KLHDC7B: variants seen among roughly 807,000 people sequenced by gnomAD.
The protein encoded by KLHDC7B is kelch domain-containing protein 7B.
KLHDC7B carries 1 observed loss-of-function variant against 0.6 expected under a neutral mutation model. The observed-to-expected ratio is 1.71, with a 90% confidence interval of 0.61 to 8.11. The LOEUF (loss-of-function observed/expected upper bound fraction) is 8.11. Among genes scored for constraint, KLHDC7B ranks in the 30% most tolerant of loss-of-function variants. KLHDC7B has a pLI of 0.13. For synonymous variants in KLHDC7B, 462 were observed against 405.2 expected (o/e 1.14, Z -1.68); for missense variants, 993 against 894.9 (o/e 1.11, Z -1.40).
chr22:50,548,789 C>A lies in KLHDC7B; in HGVS notation c.2546C>A (p.Pro849His). The A allele has an allele frequency of 6.9e-7, 1 of 1,458,362 alleles. No individual in the cohort carries two copies. Among genetic ancestry groups the A allele is most frequent in the South Asian group, 1.4e-5 (1 of 70,866 alleles). The allele number at this position is 1,458,362 out of a possible 1,614,324, so 90.3% of individuals were successfully genotyped here. Residue 849 changes from proline to histidine, a missense_variant, in exon 1 of 1, where the codon CCC (proline) becomes CAC (histidine). Pro to His is a moderately conservative substitution (Grantham distance 77, BLOSUM62 -2). Transcript: ENST00000648057. The surrounding 1 kb of genome is among the most constrained non-coding windows in gnomAD (Gnocchi z 5.3). Reference protein sequence around the residue: ...PRKPSSRALEPATAAALRRRL... With the variant: ...PRKPSSRALEHATAAALRRRL... The stretch of plus-strand genomic sequence containing the variant: ...AAGCCCAGCTCCCGGGCCCTGGAGC[C>A]CGCCACGGCGGCAGCCCTGCGGCGG...
Position 50,547,659 on chromosome 22 carries a change from A to C in KLHDC7B, c.1416A>C (p.Leu472Phe), listed in dbSNP as rs540619641. 1.3e-3 allele frequency: 547 copies of C among 408,908 alleles called. 2 individuals carry two copies. Among genetic ancestry groups the C allele is most frequent in the Non-Finnish European group, 2.2e-3 (507 of 232,108 alleles). 25.3% of individuals were successfully genotyped at this position (408,908 alleles called of 1,614,324 possible). ...CAAGTTCAGCCTCAGCCCAAGTCTT[A>C]ACTTCAGCTCCAGCCTCAGTCCTAG... ...PAPSSASAQVLTSAPASVLAP... is the reference protein window; with the variant it reads ...PAPSSASAQVFTSAPASVLAP... Residue 472 changes from leucine to phenylalanine, a missense_variant, in exon 1 of 1, where the codon TTA becomes TTC. Transcript: ENST00000648057.
At position 50,547,142 on chromosome 22, in the gene KLHDC7B, G is replaced by C. The variant is rs1482912011; in HGVS notation, c.899G>C (p.Gly300Ala). Among the ~76,000 whole-genome samples, 1 of 151,392 alleles carries C rather than the reference G, an allele frequency of 6.6e-6. No homozygotes were observed. The highest frequency in any genetic ancestry group is 1.5e-5 in the Non-Finnish European group (1 of 67,742). ...ALPAPRALQP[G>A]SQTEGSGAKG... is the part of the protein sequence containing the mutation. ...CCCGCTCCCCGCGCCCTGCAGCCTGGGTCTCAGACGGAAGGCTCTGGGGCC... is the reference window on the plus strand; with the variant it reads ...CCCGCTCCCCGCGCCCTGCAGCCTGCGTCTCAGACGGAAGGCTCTGGGGCC... The change falls in exon 1 of 1, where the codon GGG becomes GCG. Residue 300 changes from glycine to alanine, a missense_variant. Gly to Ala is a moderately conservative substitution (Grantham distance 60, BLOSUM62 0). Transcript: ENST00000648057.
rs747124532 is a variant in KLHDC7B, at chr22:50,548,510, C to T, written c.2267C>T (p.Pro756Leu). Residue 756 changes from proline to leucine, a missense_variant, in exon 1 of 1, where the codon CCC becomes CTC. Physicochemically the swap from Pro to Leu is moderately conservative, Grantham distance 98. Transcript: ENST00000648057. This position sits in a 1 kb window ranked among gnomAD's most constrained non-coding sequence, Gnocchi z 5.3. ...AQPPAQRPPG[P>L]AASSSARRSQ... ...CCCCCCGCGCAGAGGCCGCCTGGCC[C>T]CGCGGCCTCCTCCTCTGCGAGGCGC... The T allele has an allele frequency of 4.5e-6, 7 of 1,556,146 alleles. No homozygotes were observed. The South Asian group carries it at 8.3e-5, about 18-fold the overall frequency.
At position 50,548,236 on chromosome 22, in the gene KLHDC7B, G is replaced by C. The variant is rs936521010; in HGVS notation, c.1993G>C (p.Gly665Arg). The change falls in exon 1 of 1, where the codon GGG becomes CGG. Residue 665 changes from glycine (G) to arginine (R), a missense_variant. Transcript: ENST00000648057. This position sits in a 1 kb window ranked among gnomAD's most constrained non-coding sequence, Gnocchi z 5.3. Reference sequence around the variant, plus strand: ...AGGGAGTGTCCCGAGGGCGGTTCCCGGGAGCCCCGTGGGTCCCAGCACTTC... The same window carrying C: ...AGGGAGTGTCCCGAGGGCGGTTCCCCGGAGCCCCGTGGGTCCCAGCACTTC... ...PQGSVPRAVP[G>R]SPVGPSTSTH... is the part of the protein sequence containing the mutation. 1 of 1,550,454 alleles carries C rather than the reference G, an allele frequency of 6.4e-7. No individual in the cohort carries two copies. The highest frequency in any genetic ancestry group is 8.7e-7 in the Non-Finnish European group (1 of 1,146,662).
rs530293919 is a variant in KLHDC7B, at chr22:50,547,036, G to T, written c.793G>T (p.Gly265Trp). Among the ~76,000 whole-genome samples, 1 of 151,456 alleles carries T rather than the reference G, an allele frequency of 6.6e-6. No homozygotes were observed. Among genetic ancestry groups the T allele is most frequent in the African/African-American group, 2.4e-5 (1 of 41,342 alleles). The change falls in exon 1 of 1, where the codon GGG becomes TGG. Residue 265 changes from glycine to tryptophan, a missense_variant. Coordinates refer to ENST00000648057, the MANE Select transcript of KLHDC7B (RefSeq NM_138433.5). ...GGGGAGCGTGTGGGACGCGGTGGAC[G>T]GGGCCGCCGCCCTGGACGCCCACGC... ...AAGSVWDAVDGAAALDAHARG... is the reference protein window; with the variant it reads ...AAGSVWDAVDWAAALDAHARG...
rs2069760900 is a variant in KLHDC7B, at chr22:50,548,554, C to CTACGGAAACGCAGCAGG, written c.390_406dup (p.Cys136TyrfsTer116). ...GAGGCGCTCACAGCCGGTACCCCAG[C>CTACGGAAACGCAGCAGG]TACGGAAACGCAGCAGGTGCGAAAT... On this transcript the variant is annotated frameshift_variant, in exon 1 of 1. Transcript: ENST00000395676. LOFTEE classifies it low-confidence loss of function (END_TRUNC). The surrounding 1 kb of genome is among the most constrained non-coding windows in gnomAD (Gnocchi z 5.3). 1 of 1,550,252 alleles carries CTACGGAAACGCAGCAGG rather than the reference C, an allele frequency of 6.5e-7. No individual in the cohort carries two copies. Among genetic ancestry groups the CTACGGAAACGCAGCAGG allele is most frequent in the African/African-American group, 1.4e-5 (1 of 73,266 alleles).
At position 50,547,118 on chromosome 22, in the gene KLHDC7B, C is replaced by T. The variant is rs2069738753; in HGVS notation, c.875C>T (p.Pro292Leu). Residue 292 changes from proline (P) to leucine (L), a missense_variant, in exon 1 of 1, where the codon CCC (proline) becomes CTC (leucine). Physicochemically the swap from Pro to Leu is moderately conservative, Grantham distance 98. Coordinates refer to ENST00000648057, the MANE Select transcript of KLHDC7B (RefSeq NM_138433.5). ...LAQEPALPAL[P>L]APRALQPGSQ... ...CAGGAGCCCGCACTCCCGGCGCTGC[C>T]CGCTCCCCGCGCCCTGCAGCCTGGG... is the stretch of plus-strand genomic sequence containing the variant. Among the ~76,000 whole-genome samples, 1 of 151,404 alleles carries T rather than the reference C, an allele frequency of 6.6e-6. No homozygotes were observed. Among genetic ancestry groups the T allele is most frequent in the South Asian group, 2.1e-4 (1 of 4,806 alleles).
rs748279086 is a variant in KLHDC7B at position 50,549,121 on chromosome 22, C to T, written c.2878C>T (p.Pro960Ser). 6 of 1,602,134 alleles carry T rather than the reference C, an allele frequency of 3.7e-6. No individual in the cohort carries two copies. The highest frequency in any genetic ancestry group is 5.1e-6 in the Non-Finnish European group (6 of 1,179,782). The stretch of plus-strand genomic sequence containing the variant: ...GGCGGCCCCTGTGTCCCTGCCTCTA[C>T]CTGCGCACCTGCATGTGTTCAACCC... ...PAAAPVSLPL[P>S]AHLHVFNPRE... The change falls in exon 1 of 1, where the codon CCT (proline) becomes TCT (serine). Residue 960 changes from proline to serine, a missense_variant. Pro to Ser is a moderately conservative substitution (Grantham distance 74). Coordinates refer to ENST00000648057, the MANE Select transcript of KLHDC7B (RefSeq NM_138433.5).
In KLHDC7B at chr22:50,549,435, G is replaced by A. The variant is rs1320366460; in HGVS notation, c.3192G>A (p.Pro1064=). Residue 1064 remains proline, a synonymous_variant, in exon 1 of 1, where the codon CCG becomes CCA. Coordinates refer to ENST00000648057, the MANE Select transcript of KLHDC7B (RefSeq NM_138433.5). The part of the protein sequence containing the change: ...ECLYSMECYD[P]RTDAWTPRAP... The stretch of plus-strand genomic sequence containing the variant: ...TGTACAGCATGGAGTGCTACGACCC[G>A]CGAACAGACGCCTGGACCCCACGCG... The A allele has an allele frequency of 1.9e-6, 3 of 1,612,672 alleles. No homozygotes were observed. The highest frequency in any genetic ancestry group is 2.2e-5 in the South Asian group (2 of 91,078).
Position 50,549,841 on chromosome 22 carries a change from G to T in KLHDC7B, c.3598G>T (p.Ala1200Ser), listed in dbSNP as rs1393580122. 1 of 1,584,480 alleles carries T rather than the reference G, an allele frequency of 6.3e-7. No individual in the cohort carries two copies. The highest frequency in any genetic ancestry group is 1.1e-5 in the South Asian group (1 of 88,266). The change falls in exon 1 of 1, where the codon GCC becomes TCC. Residue 1200 changes from alanine (A) to serine (S), a missense_variant. Transcript: ENST00000648057. The stretch of plus-strand genomic sequence containing the variant: ...CACCTTCACGGTCTCTGGGGGGACT[G>T]CCCAGTTCCAGGCCAAGGAGCTGCA... ...TATFTVSGGTAQFQAKELQPF... is the reference protein window; with the variant it reads ...TATFTVSGGTSQFQAKELQPF...
Position 50,549,414 on chromosome 22 carries a change from C to T in KLHDC7B, c.3171C>T (p.Tyr1057=), listed in dbSNP as rs61746062. Residue 1057 remains tyrosine, a synonymous_variant, in exon 1 of 1, where the codon TAC becomes TAT. Transcript: ENST00000648057. ...ATGCCATCGGTGGCGAATGCCTGTA[C>T]AGCATGGAGTGCTACGACCCGCGAA... ...LLYAIGGECL[Y]SMECYDPRTD... The T allele has an allele frequency of 0.092, 148,115 of 1,612,680 alleles. 7,477 individuals carry two copies. The highest frequency in any genetic ancestry group is 0.18 in the African/African-American group (13,137 of 75,006).
In KLHDC7B at chr22:50,547,005, C is replaced by A. The variant is rs1303883322; in HGVS notation, c.762C>A (p.Gly254=). Residue 254 remains glycine (G), a synonymous_variant, in exon 1 of 1, where the codon GGC becomes GGA. Coordinates refer to ENST00000648057, the MANE Select transcript of KLHDC7B (RefSeq NM_138433.5). The part of the protein sequence containing the change: ...RPRKLDPLRL[G]AAGSVWDAVD... ...GGAAACTGGACCCGCTCCGCCTGGG[C>A]GCCGCGGGGAGCGTGTGGGACGCGG... Among the ~76,000 whole-genome samples, 1 of 151,438 alleles carries A rather than the reference C, an allele frequency of 6.6e-6. No individual in the cohort carries two copies. The highest frequency in any genetic ancestry group is 1.5e-5 in the Non-Finnish European group (1 of 67,768).
In KLHDC7B at chr22:50,548,830, A is replaced by G; in HGVS notation, c.2587A>G (p.Ser863Gly). 6.5e-7 allele frequency: 1 copy of G among 1,531,456 alleles called. No homozygotes were observed. Among genetic ancestry groups the G allele is most frequent in the East Asian group, 2.5e-5 (1 of 39,632 alleles). 94.9% of individuals were successfully genotyped at this position (1,531,456 alleles called of 1,614,324 possible). A position where few individuals can be genotyped will look rare whatever the true frequency, so the allele number is the denominator to read the frequency against. ...AALRRRLDLG[S>G]CLDVLAFAQQ... ...CCTGCGGCGGCGGCTGGACCTGGGCAGTTGCCTGGACGTGCTGGCCTTTGC... is the reference window on the plus strand; with the variant it reads ...CCTGCGGCGGCGGCTGGACCTGGGCGGTTGCCTGGACGTGCTGGCCTTTGC... Residue 863 changes from serine (S) to glycine (G), a missense_variant, in exon 1 of 1, where the codon AGT becomes GGT. Coordinates refer to ENST00000648057, the MANE Select transcript of KLHDC7B (RefSeq NM_138433.5). This position sits in a 1 kb window ranked among gnomAD's most constrained non-coding sequence, Gnocchi z 5.3.
Position 50,550,939 on chromosome 22 carries a change from G to C in KLHDC7B, c.*988G>C, listed in dbSNP as rs1437061675. 3.2e-6 allele frequency: 1 copy of C among 312,456 alleles called. No homozygotes were observed. Among genetic ancestry groups the C allele is most frequent in the African/African-American group, 2.1e-5 (1 of 47,454 alleles). 19.4% of individuals were successfully genotyped at this position (312,456 alleles called of 1,614,324 possible). On this transcript the variant is annotated 3_prime_UTR_variant, in exon 1 of 1. Coordinates refer to ENST00000648057, the MANE Select transcript of KLHDC7B (RefSeq NM_138433.5). ...GTGCTCCACTCCAACCTCCAGCCTG[G>C]ATGTCCCTGTCTGGGCCCTTTTTCT...
chr22:50,548,770 A>G lies in KLHDC7B; in HGVS notation c.2527A>G (p.Ser843Gly), dbSNP rs758161665. The G allele has an allele frequency of 6.9e-7, 1 of 1,448,780 alleles. No homozygotes were observed. The highest frequency in any genetic ancestry group is 9.0e-7 in the Non-Finnish European group (1 of 1,106,748). 89.7% of individuals were successfully genotyped at this position (1,448,780 alleles called of 1,614,324 possible). ...WGVVEGPRKP[S>G]SRALEPATAA... Reference sequence around the variant, plus strand: ...GGTGGTGGAGGGGCCCCGGAAGCCCAGCTCCCGGGCCCTGGAGCCCGCCAC... The same window carrying G: ...GGTGGTGGAGGGGCCCCGGAAGCCCGGCTCCCGGGCCCTGGAGCCCGCCAC... Residue 843 changes from serine (S) to glycine (G), a missense_variant, in exon 1 of 1, where the codon AGC (serine) becomes GGC (glycine). By Grantham distance (56) the Ser-to-Gly change is moderately conservative. Transcript: ENST00000648057. The surrounding 1 kb of genome is among the most constrained non-coding windows in gnomAD (Gnocchi z 5.3).
Position 50,549,088 on chromosome 22 carries a change from C to G in KLHDC7B, c.2845C>G (p.Pro949Ala). Residue 949 changes from proline to alanine, a missense_variant, in exon 1 of 1, where the codon CCT (proline) becomes GCT (alanine). Pro to Ala is a conservative substitution (Grantham distance 27, BLOSUM62 -1). Coordinates refer to ENST00000648057, the MANE Select transcript of KLHDC7B (RefSeq NM_138433.5). ...CCCCAGGGGCCCTCGTGGCGAGGAGCCTCCTGCGGCGGCCCCTGTGTCCCT... is the reference window on the plus strand; with the variant it reads ...CCCCAGGGGCCCTCGTGGCGAGGAGGCTCCTGCGGCGGCCCCTGTGTCCCT... ...GLPRGPRGEEPPAAAPVSLPL... is the reference protein window; with the variant it reads ...GLPRGPRGEEAPAAAPVSLPL... 4 of 1,600,254 alleles carry G rather than the reference C, an allele frequency of 2.5e-6. No individual in the cohort carries two copies. The highest frequency in any genetic ancestry group is 3.4e-6 in the Non-Finnish European group (4 of 1,179,412).
At position 50,550,779 on chromosome 22, in the gene KLHDC7B, C is replaced by G. The variant is rs1048676870; in HGVS notation, c.*828C>G. The G allele has an allele frequency of 5.8e-6, 1 of 171,260 alleles. No homozygotes were observed. The highest frequency in any genetic ancestry group is 1.4e-5 in the Non-Finnish European group (1 of 70,606). 10.6% of individuals were successfully genotyped at this position (171,260 alleles called of 1,614,324 possible). On this transcript the variant is annotated 3_prime_UTR_variant, in exon 1 of 1. Coordinates refer to ENST00000648057, the MANE Select transcript of KLHDC7B (RefSeq NM_138433.5). Reference sequence around the variant, plus strand: ...ATGTGGACAGTGGACGTCTGTCACCCAAGAGAGTTGTGGGAGACAAGATCA... The same window carrying G: ...ATGTGGACAGTGGACGTCTGTCACCGAAGAGAGTTGTGGGAGACAAGATCA...
chr22:50,549,099 G>C lies in KLHDC7B; in HGVS notation c.2856G>C (p.Ala952=). 6.2e-7 allele frequency: 1 copy of C among 1,600,900 alleles called. No individual in the cohort carries two copies. Residue 952 remains alanine, a synonymous_variant, in exon 1 of 1, where the codon GCG becomes GCC. Coordinates refer to ENST00000648057, the MANE Select transcript of KLHDC7B (RefSeq NM_138433.5). ...CTCGTGGCGAGGAGCCTCCTGCGGC[G>C]GCCCCTGTGTCCCTGCCTCTACCTG... is the stretch of plus-strand genomic sequence containing the variant. The part of the protein sequence containing the change: ...RGPRGEEPPA[A]APVSLPLPAH...
chr22:50,550,306 C>A lies in KLHDC7B; in HGVS notation c.*355C>A. On this transcript the variant is annotated 3_prime_UTR_variant, in exon 1 of 1. Coordinates refer to ENST00000648057, the MANE Select transcript of KLHDC7B (RefSeq NM_138433.5). ...TTGGCTCGCTGGAGCTCTGCTGAGC[C>A]GAGAGAGGAGGGGGTAGAAAACATT... 3.6e-6 allele frequency: 1 copy of A among 281,486 alleles called. No homozygotes were observed. Among genetic ancestry groups the A allele is most frequent in the Non-Finnish European group, 7.1e-6 (1 of 141,728 alleles). The allele number at this position is 281,486 out of a possible 1,614,324, so 17.4% of individuals were successfully genotyped here. A position where few individuals can be genotyped will look rare whatever the true frequency, so the allele number is the denominator to read the frequency against.
Sources: gnomAD v4.1 joint callset for allele counts (sites outside exome capture counted in the v4.1 genomes callset) on GRCh38, gnomAD v4.1.1 for gene constraint, Gnocchi (gnomAD v3.1) non-coding constraint, MANE v1.5 for transcripts, NCBI Gene and HGNC (gene_info 2026-07-23, HGNC 2026-07-21) for gene names.